CRY2: variants seen among roughly 807,000 people sequenced by gnomAD.
CRY2 encodes the protein cryptochrome circadian regulator 2.
In CRY2, 31 loss-of-function variants were observed where a neutral mutation model predicts 69.5. The observed-to-expected ratio is 0.45, with a 90% CI of 0.34 to 0.60. The LOEUF (loss-of-function observed/expected upper bound fraction) is 0.60. Among genes scored for constraint, CRY2 ranks in the 20% least tolerant of loss-of-function variants. The pLI is 0.02. For synonymous variants in CRY2, 303 were observed against 312.2 expected (o/e 0.97, Z 0.31); for missense variants, 606 against 797.8 (o/e 0.76, Z 2.90).
rs115834126 is a variant in CRY2 at position 45,853,111 on chromosome 11, A to G, written c.216-2871A>G. On this transcript the variant is annotated intron_variant, in intron 1 of 11. Coordinates refer to ENST00000616080, the MANE Select transcript of CRY2 (RefSeq NM_021117.5). ...GATTGCCTAGGTTTGAATTCTGGCC[A>G]CTTACTAGGTATATGATGTTGGGCA... 3.2e-3 allele frequency among the ~76,000 whole-genome samples: 494 copies of G among 152,346 alleles called. 4 individuals are homozygous for G. Among genetic ancestry groups the G allele is most frequent in the African/African-American group, 0.011 (475 of 41,570 alleles).
chr11:45,873,839 C>T (rs537482971), intron 11 of CRY2, among the ~76,000 whole-genome samples: 2 of 152,180 alleles, frequency 1.3e-5, no homozygotes, highest in African/African-American at 4.8e-5. Flanking sequence ...CGCTAGGGGG[C>T]CTGAAAAGTG....
At chr11:45,860,751 C>A in intron 3 of CRY2, 97 bp from the exon 4 acceptor site, 1 of 1,398,740 alleles carries the variant, frequency 7.1e-7, no homozygotes, top group Non-Finnish European at 9.8e-7. Flanking sequence ...GGAAAGCCAC[C>A]CTCAAAGCCT....
In CRY2 at chr11:45,858,714, A is replaced by G. The variant is rs756743468; in HGVS notation, c.325-17A>G. 1.9e-6 allele frequency: 3 copies of G among 1,610,524 alleles called. No homozygotes were observed. Among genetic ancestry groups the G allele is most frequent in the Admixed American group, 1.7e-5 (1 of 59,698 alleles). ...CCCCAAACACAGTGTTGAGCATAAC[A>G]GATCCTCTCCCCACAGGAATGGGGA... On this transcript the variant is annotated splice_polypyrimidine_tract_variant and intron_variant, in intron 2 of 11. Coordinates refer to ENST00000616080, the MANE Select transcript of CRY2 (RefSeq NM_021117.5).
At chr11:45,865,482 A>G (rs1451672449) in intron 5 of CRY2, among the ~76,000 whole-genome samples, 2 of 152,252 alleles carry the variant, frequency 1.3e-5, no homozygotes, top group Admixed American at 6.5e-5. Context: ...TGTACACGCA[A>G]AAATACCTAG....
chr11:45,869,611 G>A lies in CRY2; in HGVS notation c.988G>A (p.Gly330Arg). 6.2e-7 allele frequency: 1 copy of A among 1,614,258 alleles called. No individual in the cohort carries two copies. Among genetic ancestry groups the A allele is most frequent in the Non-Finnish European group, 8.5e-7 (1 of 1,180,046 alleles). The change falls in exon 7 of 12, where the codon GGG (glycine) becomes AGG (arginine). Residue 330 changes from glycine (G) to arginine (R), a missense_variant. Transcript: ENST00000616080. Reference sequence around the variant, plus strand: ...CAACCCCAGGTTTGACCGCATGGAGGGGAACCCCATCTGCATCCAGATCCC... The same window carrying A: ...CAACCCCAGGTTTGACCGCATGGAGAGGAACCCCATCTGCATCCAGATCCC... Reference protein sequence around the residue: ...TNNPRFDRMEGNPICIQIPWD... With the variant: ...TNNPRFDRMERNPICIQIPWD...
chr11:45,881,228 T>A lies in CRY2; in HGVS notation c.*317T>A, dbSNP rs568146183. 6.6e-6 allele frequency: 1 copy of A among 152,492 alleles called. No homozygotes were observed. Among genetic ancestry groups the A allele is most frequent in the Non-Finnish European group, 1.5e-5 (1 of 68,052 alleles). The allele number at this position is 152,492 out of a possible 1,614,324, so 9.4% of individuals were successfully genotyped here. Reference sequence around the variant, plus strand: ...ACCTGTTCCTGCAAGCCAGCTGCCTTGTCTGAACAGAACGTAGTGGTAGGA... The same window carrying A: ...ACCTGTTCCTGCAAGCCAGCTGCCTAGTCTGAACAGAACGTAGTGGTAGGA... On this transcript the variant is annotated 3_prime_UTR_variant, in exon 12 of 12. Coordinates refer to ENST00000616080, the MANE Select transcript of CRY2 (RefSeq NM_021117.5).
At chr11:45,865,103 T>C (rs1247060237) in intron 5 of CRY2, among the ~76,000 whole-genome samples, 1 of 151,392 alleles carries the variant, frequency 6.6e-6, no homozygotes, top group Non-Finnish European at 1.5e-5. Context: ...TTGTAATACC[T>C]AGGAATGCAC....
intron 1 of CRY2, 121 bp downstream of exon 1, chr11:45,847,826 G>A (rs994259688): frequency 1.1e-5 from 14 of 1,311,166 alleles, no homozygotes; most frequent in South Asian, 3.0e-5. Flanking sequence ...GAGAAGCCGA[G>A]ACCGGGGAAG....
chr11:45,879,129 T>TGAGGCA (rs1174838460), intron 11 of CRY2, among the ~76,000 whole-genome samples: 5 of 149,368 alleles, frequency 3.3e-5, no homozygotes, highest in African/African-American at 1.2e-4. Flanking sequence ...CTCAGGAGGC[T>TGAGGCA]GAGGCAGGAG....
intron 1 of CRY2, 117 bp from the exon 2 acceptor site, chr11:45,855,865 G>C: frequency 1.1e-6 from 1 of 880,956 alleles, no homozygotes; most frequent in South Asian, 1.3e-5. Flanking sequence ...TCCAGCCCTA[G>C]TGATCATGAG....
intron 1 of CRY2, among the ~76,000 whole-genome samples, chr11:45,852,167 T>C (rs2086203168): frequency 6.6e-6 from 1 of 152,202 alleles, no homozygotes; most frequent in South Asian, 2.1e-4. Context: ...CAGTTGCACA[T>C]GTTGTCTAAT....
intron 11 of CRY2, among the ~76,000 whole-genome samples, chr11:45,879,975 A>G (rs183885740): frequency 1.2e-4 from 19 of 152,288 alleles, no homozygotes; most frequent in Admixed American, 9.2e-4. Context: ...GTCATATTGG[A>G]TTAGGGCCCA....
At chr11:45,880,678 G>A (rs2086464673) in intron 11 of CRY2, among the ~76,000 whole-genome samples, 1 of 152,166 alleles carries the variant, frequency 6.6e-6, no homozygotes, top group South Asian at 2.1e-4. Context: ...CTGGGTGGAG[G>A]GCCTGCAGTG....
At chr11:45,869,956 AATGGAAG>A in intron 7 of CRY2, 90 bp from the exon 8 acceptor site, 1 of 1,516,236 alleles carries the variant, frequency 6.6e-7, no homozygotes, top group Non-Finnish European at 8.8e-7. Flanking sequence ...GCTTGCCTTC[AATGGAAG>A]GGTTTTGGCT....
chr11:45,869,385 A>T, intron 6 of CRY2, 121 bp from the exon 7 acceptor site: 1 of 1,042,910 alleles, frequency 9.6e-7, no homozygotes, highest in Non-Finnish European at 1.4e-6. Flanking sequence ...GTCCCTCCAC[A>T]TCTGGCAGCT....
At chr11:45,869,227 A>G (rs1206408692) in intron 6 of CRY2, among the ~76,000 whole-genome samples, 2 of 152,240 alleles carry the variant, frequency 1.3e-5, no homozygotes, top group African/African-American at 4.8e-5. Context: ...AGTCTTGGGA[A>G]GTTTGAATCC....
chr11:45,855,726 G>A (rs753571812), intron 1 of CRY2, among the ~76,000 whole-genome samples: 8 of 152,166 alleles, frequency 5.3e-5, no homozygotes, highest in African/African-American at 9.7e-5. Context: ...CACATTACCG[G>A]CGAGAAAACA....
intron 4 of CRY2, 67 bp downstream of exon 4, chr11:45,861,099 A>G: frequency 6.7e-7 from 1 of 1,495,942 alleles, no homozygotes; most frequent in East Asian, 2.4e-5. Context: ...TTCTTTGTGA[A>G]AGTAATGCAT....
At chr11:45,857,295 G>A (rs1017572425) in intron 2 of CRY2, among the ~76,000 whole-genome samples, 8 of 152,260 alleles carry the variant, frequency 5.3e-5, no homozygotes, top group South Asian at 2.1e-4. Context: ...CTGCTATCCC[G>A]ATTTACAGGA....
Sources: gnomAD v4.1 joint callset for allele counts (sites outside exome capture counted in the v4.1 genomes callset) on GRCh38, gnomAD v4.1.1 for gene constraint, MANE v1.5 for transcripts, NCBI Gene and HGNC (gene_info 2026-07-23, HGNC 2026-07-21) for gene names.